Variants in TMTC4 observed in about 807,000 individuals in gnomAD.
The protein encoded by TMTC4 is protein O-mannosyl-transferase TMTC4.
In TMTC4, 65 loss-of-function variants were observed where a neutral mutation model predicts 86.0. The observed-to-expected ratio is 0.76, with a 90% confidence interval of 0.62 to 0.93. TMTC4 has a LOEUF of 0.93. Among genes scored for constraint, TMTC4 ranks in the 40% least tolerant of loss-of-function variants. The pLI is 0.00. For missense variants in TMTC4, 866 were observed against 948.1 expected (o/e 0.91, Z 1.14); for synonymous variants, 379 against 382.5 (o/e 0.99, Z 0.11).
chr13:100,625,101 G>C (rs1314816997), intron 15 of TMTC4: 1 of 167,894 alleles, frequency 6.0e-6, no homozygotes, highest in African/African-American at 2.4e-5. Flanking sequence ...GCTCCCTGCA[G>C]ATGAAGAGCT....
intron 6 of TMTC4, among the ~76,000 whole-genome samples, chr13:100,652,006 CA>C (rs1419767177): frequency 2.6e-5 from 4 of 152,180 alleles, no homozygotes; most frequent in African/African-American, 9.7e-5. Context: ...GTTTACCACT[CA>C]GCTTTTTGTA....
At chr13:100,661,704 G>A (rs1003511281) in intron 5 of TMTC4, among the ~76,000 whole-genome samples, 2 of 152,202 alleles carry the variant, frequency 1.3e-5, no homozygotes, top group Admixed American at 1.3e-4. Context: ...AAGATATCAG[G>A]AGGAGGGTGT....
chr13:100,612,773 A>G (rs565810114), intron 16 of TMTC4, among the ~76,000 whole-genome samples: 1 of 152,290 alleles, frequency 6.6e-6, no homozygotes, highest in African/African-American at 2.4e-5. Context: ...TAACTTCTGT[A>G]AAACCATCTA....
At chr13:100,672,369 A>G (rs548974210) in intron 1 of TMTC4, among the ~76,000 whole-genome samples, 1 of 151,646 alleles carries the variant, frequency 6.6e-6, no homozygotes, top group South Asian at 2.1e-4. Flanking sequence ...CTTGTTCCCA[A>G]CTCTCCTTCC....
intron 12 of TMTC4, among the ~76,000 whole-genome samples, chr13:100,629,558 T>C (rs1324133293): frequency 6.6e-6 from 1 of 152,144 alleles, no homozygotes; most frequent in Non-Finnish European, 1.5e-5. Flanking sequence ...TAATACACAT[T>C]GATTACAGTG....
Position 100,670,192 on chromosome 13 carries a change from T to G in TMTC4, c.3+168A>C, listed in dbSNP as rs189936808. On this transcript the variant is annotated intron_variant, in intron 2 of 18. Transcript: ENST00000342624. ...ATGAAAGAGAATTCCAGCCCCCTGA[T>G]TGGGAAGGCAGTTTGGATGTATTTG... is the stretch of plus-strand genomic sequence containing the variant. 6 of 625,174 alleles carry G rather than the reference T, an allele frequency of 9.6e-6. No homozygotes were observed. The East Asian group carries it at 2.0e-4, about 21-fold the overall frequency. 38.7% of individuals were successfully genotyped at this position (625,174 alleles called of 1,614,324 possible). A position where few individuals can be genotyped will look rare whatever the true frequency, so the allele number is the denominator to read the frequency against.
chr13:100,660,906 G>A (rs555884587), intron 5 of TMTC4, among the ~76,000 whole-genome samples: 111 of 152,176 alleles, frequency 7.3e-4, no homozygotes, highest in African/African-American at 2.6e-3. Flanking sequence ...CACCTGCTTC[G>A]GCCTCCCGAA....
In TMTC4 at chr13:100,664,186, G is replaced by A. The variant is rs765819622; in HGVS notation, c.335+35C>T. The A allele has an allele frequency of 3.2e-6, 5 of 1,549,684 alleles. No individual in the cohort carries two copies. The African/African-American group carries it at 4.1e-5, about 13-fold the overall frequency. On this transcript the variant is annotated intron_variant, in intron 4 of 18. Coordinates refer to ENST00000342624, the MANE Select transcript of TMTC4 (RefSeq NM_032813.5). ...ATCCAATGTCACACACAAGCTGGGA[G>A]GGACCTTCCCAGGCCCTTCAATGTC...
At chr13:100,611,073 T>C (rs1156413830) in intron 17 of TMTC4, among the ~76,000 whole-genome samples, 1 of 152,222 alleles carries the variant, frequency 6.6e-6, no homozygotes, top group Admixed American at 6.5e-5. Context: ...ACCATTGTTA[T>C]TGAAAATTAT....
rs750750741 is a variant in TMTC4 at position 100,642,267 on chromosome 13, T to A, written c.685A>T (p.Ser229Cys). 1.9e-6 allele frequency: 3 copies of A among 1,614,198 alleles called. No homozygotes were observed. Among genetic ancestry groups the A allele is most frequent in the Non-Finnish European group, 2.5e-6 (3 of 1,180,038 alleles). ...AHSSTFWVLLSIFLGAVAMLC... is the reference protein window; with the variant it reads ...AHSSTFWVLLCIFLGAVAMLC... ...ATGGCCACTGCTCCCAGAAAGATACTCAGCAGCACCCAGAAGGTGGAAGAA... is the reference window on the plus strand; with the variant it reads ...ATGGCCACTGCTCCCAGAAAGATACACAGCAGCACCCAGAAGGTGGAAGAA... Residue 229 changes from serine to cysteine, a missense_variant, in exon 7 of 19, where the codon AGT becomes TGT. Transcript: ENST00000342624.
In TMTC4 at chr13:100,625,807, G is replaced by A; in HGVS notation, c.1672C>T (p.Leu558=). The A allele has an allele frequency of 6.2e-7, 1 of 1,613,762 alleles. No individual in the cohort carries two copies. Among genetic ancestry groups the A allele is most frequent in the Non-Finnish European group, 8.5e-7 (1 of 1,180,010 alleles). ...RNELQEAEEL[L]SLAVQIQPDF... ...TACTGTATTTGAACAGCCAAAGACA[G>A]CAGCTCCTCAGCTTCCTGTAGCTCA... The change falls in exon 14 of 19, where the codon CTG becomes TTG. Residue 558 remains leucine (L), a synonymous_variant. Coordinates refer to ENST00000342624, the MANE Select transcript of TMTC4 (RefSeq NM_032813.5).
At chr13:100,674,905 C>T, upstream of TMTC4, 1 of 984,812 alleles carries the variant, frequency 1.0e-6, no homozygotes, top group Non-Finnish European at 1.2e-6. Flanking sequence ...CGGGCGCCCC[C>T]CAGCACCAGT....
In TMTC4 at chr13:100,642,193, C is replaced by T. The variant is rs1210228293; in HGVS notation, c.741+18G>A. 3.7e-6 allele frequency: 6 copies of T among 1,613,168 alleles called. No homozygotes were observed. The highest frequency in any genetic ancestry group is 5.1e-6 in the Non-Finnish European group (6 of 1,179,472). On this transcript the variant is annotated intron_variant, in intron 7 of 18. Coordinates refer to ENST00000342624, the MANE Select transcript of TMTC4 (RefSeq NM_032813.5). ...GACACACAGAAAAAGCAGGCCCCAG[C>T]CATGTTGCGGCTCTCACCAGCACAG...
At chr13:100,612,095 C>T (rs1349941213) in intron 17 of TMTC4, among the ~76,000 whole-genome samples, 1 of 152,226 alleles carries the variant, frequency 6.6e-6, no homozygotes, top group African/African-American at 2.4e-5. Context: ...CACCAGCCTG[C>T]CCGGCCTCTG....
intron 6 of TMTC4, 36 bp from the exon 7 acceptor site, chr13:100,642,347 T>C (rs761001004): frequency 2.2e-5 from 35 of 1,609,164 alleles, no homozygotes; most frequent in Non-Finnish European, 2.5e-5. Context: ...GCAAAAGTCA[T>C]GGAATGCAGC....
rs186075450 is a variant in TMTC4, at chr13:100,651,357, C to T, written c.640+5024G>A. On this transcript the variant is annotated intron_variant, in intron 6 of 18. Coordinates refer to ENST00000342624, the MANE Select transcript of TMTC4 (RefSeq NM_032813.5). ...TGTTTTGGGCATTCAGAAGTAATAC[C>T]CAGTGTGCCATTGATTTCATCTCAC... is the stretch of plus-strand genomic sequence containing the variant. Among the ~76,000 whole-genome samples, 15 of 151,952 alleles carry T rather than the reference C, an allele frequency of 9.9e-5. No individual in the cohort carries two copies. In the East Asian group the frequency reaches 2.5e-3, roughly 25 times the overall value.
At chr13:100,628,181 A>C (rs1880829401) in intron 12 of TMTC4, among the ~76,000 whole-genome samples, 1 of 152,160 alleles carries the variant, frequency 6.6e-6, no homozygotes. Flanking sequence ...TTCATTTTGC[A>C]AATCTGAAAC....
chr13:100,651,319 G>C (rs1370334760), intron 6 of TMTC4, among the ~76,000 whole-genome samples: 2 of 152,110 alleles, frequency 1.3e-5, no homozygotes. Flanking sequence ...CTCATTGTAA[G>C]AATAACACTT....
chr13:100,625,353 C>T, intron 15 of TMTC4, 182 bp downstream of exon 15: 2 of 817,878 alleles, frequency 2.4e-6, no homozygotes, highest in Non-Finnish European at 3.8e-6. Flanking sequence ...GTACTGCTCT[C>T]TAATGAGAGC....
Sources: allele counts gnomAD v4.1 joint callset (sites outside exome capture counted in the v4.1 genomes callset), GRCh38; gene constraint gnomAD v4.1.1; transcripts MANE v1.5; gene names NCBI Gene and HGNC (gene_info 2026-07-23, HGNC 2026-07-21).